ATG7: variants seen among roughly 807,000 people sequenced by gnomAD.
The protein encoded by ATG7 is autophagy related 7.
A neutral mutation model predicts 82.4 loss-of-function variants in ATG7; 70 were observed. That is an observed-to-expected ratio of 0.85 (90% CI 0.70 to 1.04). The LOEUF (loss-of-function observed/expected upper bound fraction) is 1.04. Ranked by LOEUF, ATG7 falls within the 50% of genes least tolerant of loss-of-function variation. ATG7 has a pLI of 0.00. For missense variants in ATG7, 792 were observed against 864.3 expected (o/e 0.92, Z 1.05); for synonymous variants, 287 against 313.0 (o/e 0.92, Z 0.88).
At position 11,372,827 on chromosome 3, in the gene ATG7, CGTGTGTGTGCGTGCGT is replaced by C. The variant is rs1559490352; in HGVS notation, c.1876-7143_1876-7128del. Among the ~76,000 whole-genome samples the C allele has an allele frequency of 1.1e-4, 14 of 127,508 alleles. 1 individual carries two copies. Among genetic ancestry groups the C allele is most frequent in the African/African-American group, 5.7e-4 (14 of 24,548 alleles). The allele number at this position is 127,508 out of a possible 152,430, so 83.7% of individuals were successfully genotyped here. ...GTGTGTGTGTGTGTGCGCGCGTGTG[CGTGTGTGTGCGTGCGT>C]GCGTGTGCGTGTGTGTGTGTGAAAT... On this transcript the variant is annotated intron_variant, in intron 18 of 20. Transcript: ENST00000693202.
intron 15 of ATG7, among the ~76,000 whole-genome samples, chr3:11,360,131 C>T (rs1358244982): frequency 1.3e-5 from 2 of 152,202 alleles, no homozygotes; most frequent in Non-Finnish European, 2.9e-5. Flanking sequence ...CTGCAAACTC[C>T]ATCTCCCAGG....
At chr3:11,284,650 C>T (rs1943640312) in intron 3 of ATG7, among the ~76,000 whole-genome samples, 1 of 151,882 alleles carries the variant, frequency 6.6e-6, no homozygotes, top group Non-Finnish European at 1.5e-5. Context: ...TGCCTGGGCT[C>T]AGGCGATCCT....
At chr3:11,493,981 T>G (rs2090610451) in intron 20 of ATG7, among the ~76,000 whole-genome samples, 1 of 152,046 alleles carries the variant, frequency 6.6e-6, no homozygotes, top group Non-Finnish European at 1.5e-5. Context: ...GGAGTAGTAG[T>G]TAGGTGAAAG....
intron 20 of ATG7, among the ~76,000 whole-genome samples, chr3:11,543,571 G>A (rs1360680490): frequency 6.6e-6 from 1 of 152,212 alleles, no homozygotes; most frequent in African/African-American, 2.4e-5. Flanking sequence ...GCAGGCGGGT[G>A]TCTTTCCAAA....
the ATG7 span, among the ~76,000 whole-genome samples, chr3:11,570,393 C>T: frequency 5.3e-5 from 8 of 152,216 alleles, no homozygotes; most frequent in African/African-American, 1.9e-4. Context: ...TGTCCCCGGA[C>T]AGTCCTGCCA....
At chr3:11,277,684 T>C (rs1942108241) in intron 1 of ATG7, among the ~76,000 whole-genome samples, 1 of 152,218 alleles carries the variant, frequency 6.6e-6, no homozygotes, top group Non-Finnish European at 1.5e-5. Flanking sequence ...GATAAGGGTC[T>C]ATGTTCAGCA....
chr3:11,493,719 CAA>C (rs2090588218), intron 20 of ATG7, among the ~76,000 whole-genome samples: 1 of 152,108 alleles, frequency 6.6e-6, no homozygotes, highest in Non-Finnish European at 1.5e-5. Context: ...ATACAAAAAA[CAA>C]AAGTTTCCGT....
intron 20 of ATG7, among the ~76,000 whole-genome samples, chr3:11,501,969 G>A (rs1299359470): frequency 2.0e-5 from 3 of 152,100 alleles, no homozygotes; most frequent in South Asian, 2.1e-4. Context: ...GATTACAGGC[G>A]TGATCCTGGG....
chr3:11,475,081 T>C (rs1178775855), intron 20 of ATG7, among the ~76,000 whole-genome samples: 2 of 151,852 alleles, frequency 1.3e-5, no homozygotes, highest in East Asian at 1.9e-4. Context: ...GATTGGGTTA[T>C]AGAGGAGTAG....
At chr3:11,363,938 T>C (rs1284504391) in intron 17 of ATG7, among the ~76,000 whole-genome samples, 1 of 152,212 alleles carries the variant, frequency 6.6e-6, no homozygotes, top group Non-Finnish European at 1.5e-5. Context: ...TTCCTCTTTG[T>C]CATCCACCTT....
chr3:11,501,122 T>C (rs770360964), intron 20 of ATG7, among the ~76,000 whole-genome samples: 28 of 152,288 alleles, frequency 1.8e-4, no homozygotes, highest in Non-Finnish European at 3.1e-4. Flanking sequence ...GGTATGGTGA[T>C]ACGCACCTGT....
chr3:11,564,959 G>A, the ATG7 span: 168 of 1,561,052 alleles, frequency 1.1e-4, 1 homozygote, highest in African/African-American at 1.7e-3. Flanking sequence ...CAGCGCGCTC[G>A]ATGGGGCTGC....
chr3:11,399,851 C>T (rs1251250119), intron 19 of ATG7, among the ~76,000 whole-genome samples: 3 of 152,230 alleles, frequency 2.0e-5, no homozygotes, highest in South Asian at 4.1e-4. Flanking sequence ...TGGGATTACA[C>T]GTGAGCCACA....
chr3:11,365,613 C>T (rs183599020), intron 18 of ATG7, among the ~76,000 whole-genome samples: 1 of 152,260 alleles, frequency 6.6e-6, no homozygotes, highest in East Asian at 1.9e-4. Context: ...TGGTGATTTG[C>T]AAGGACAGAC....
chr3:11,328,468 C>A (rs145391406), intron 9 of ATG7, among the ~76,000 whole-genome samples: 1 of 152,008 alleles, frequency 6.6e-6, no homozygotes, highest in Non-Finnish European at 1.5e-5. Flanking sequence ...AAATTAAATA[C>A]GAATCTGTCT....
chr3:11,514,014 T>G (rs1438631781), intron 20 of ATG7, among the ~76,000 whole-genome samples: 1 of 152,196 alleles, frequency 6.6e-6, no homozygotes, highest in Non-Finnish European at 1.5e-5. Context: ...CTACAGCTAC[T>G]CATGTGCCAC....
intron 19 of ATG7, among the ~76,000 whole-genome samples, chr3:11,395,806 G>C (rs531279983): frequency 1.3e-5 from 2 of 152,070 alleles, no homozygotes; most frequent in African/African-American, 4.8e-5. Flanking sequence ...CGGGCGTGGT[G>C]GTGGGCGCCT....
the ATG7 span, chr3:11,568,884 C>CG: frequency 1.5e-6 from 2 of 1,332,084 alleles, no homozygotes; most frequent in African/African-American, 3.0e-5. This position sits in a 1 kb window ranked among gnomAD's most constrained non-coding sequence, Gnocchi z 5.9. Flanking sequence ...GCACGGCACC[C>CG]GGCCCCGCCC....
At chr3:11,276,992 G>C (rs901831022) in intron 1 of ATG7, among the ~76,000 whole-genome samples, 1 of 151,990 alleles carries the variant, frequency 6.6e-6, no homozygotes, top group Non-Finnish European at 1.5e-5. Flanking sequence ...CTTTCATTTA[G>C]TCATCCAAAA....
Sources: gnomAD v4.1 joint callset for allele counts (sites outside exome capture counted in the v4.1 genomes callset) on GRCh38, gnomAD v4.1.1 for gene constraint, Gnocchi (gnomAD v3.1) non-coding constraint, MANE v1.5 for transcripts, NCBI Gene and HGNC (gene_info 2026-07-23, HGNC 2026-07-21) for gene names.